TAFA2: variants seen among roughly 807,000 people sequenced by gnomAD.
The protein encoded by TAFA2 is TAFA chemokine like family member 2.
A neutral mutation model predicts 18.8 loss-of-function variants in TAFA2; 7 were observed. The observed-to-expected ratio is 0.37, with a 90% CI of 0.21 to 0.70. The LOEUF is 0.70. TAFA2 is among the 30% of genes least tolerant of loss of function. The pLI, the probability that TAFA2 is intolerant of heterozygous loss-of-function variation, is 0.53. For synonymous variants in TAFA2, 60 were observed against 54.2 expected, an observed-to-expected ratio of 1.11 and a Z score of -0.47; for missense variants, 122 against 158.1, an observed-to-expected ratio of 0.77 and a Z score of 1.23.
chr12:61,933,466 C>T (rs1001052098), intron 1 of TAFA2, among the ~76,000 whole-genome samples: 1 of 152,122 alleles, frequency 6.6e-6, no homozygotes, highest in Non-Finnish European at 1.5e-5. Flanking sequence ...ATTCCCAGCA[C>T]TTTGGGAGGC....
chr12:61,755,950 T>C (rs1565622759), intron 2 of TAFA2, among the ~76,000 whole-genome samples: 2 of 152,140 alleles, frequency 1.3e-5, no homozygotes, highest in Non-Finnish European at 1.5e-5. Flanking sequence ...TAAAAGATTA[T>C]GCTTTCAGTA....
intron 1 of TAFA2, among the ~76,000 whole-genome samples, chr12:62,157,632 C>T (rs981504876): frequency 2.6e-5 from 4 of 152,098 alleles, no homozygotes; most frequent in South Asian, 2.1e-4. Context: ...ACTTGCTGTC[C>T]GCTCCTCAGT....
At chr12:61,810,647 T>C (rs1871827332) in intron 2 of TAFA2, among the ~76,000 whole-genome samples, 2 of 151,164 alleles carry the variant, frequency 1.3e-5, no homozygotes. Flanking sequence ...GCTGCCCAGA[T>C]AGAGACTACA....
At chr12:61,764,952 G>A (rs549759915) in intron 2 of TAFA2, among the ~76,000 whole-genome samples, 1 of 152,188 alleles carries the variant, frequency 6.6e-6, no homozygotes, top group African/African-American at 2.4e-5. Flanking sequence ...GAGAGATCTA[G>A]TTCAAATAGT....
chr12:62,236,004 G>C (rs1368658554), intron 1 of TAFA2, among the ~76,000 whole-genome samples: 1 of 151,492 alleles, frequency 6.6e-6, no homozygotes, highest in Non-Finnish European at 1.5e-5. Flanking sequence ...AAAAACAAAT[G>C]AAGGAAAACC....
chr12:61,896,722 A>G (rs1052391269), intron 1 of TAFA2, among the ~76,000 whole-genome samples: 3 of 152,298 alleles, frequency 2.0e-5, no homozygotes, highest in African/African-American at 7.2e-5. Flanking sequence ...TAAAGGAAAA[A>G]AGAAGAGGGC....
At chr12:61,934,671 G>A (rs566324331) in intron 1 of TAFA2, among the ~76,000 whole-genome samples, 36 of 152,186 alleles carry the variant, frequency 2.4e-4, no homozygotes, top group African/African-American at 8.4e-4. Context: ...TGCTGTCTAT[G>A]ACACTTGAAA....
intron 1 of TAFA2, among the ~76,000 whole-genome samples, chr12:62,146,233 C>G (rs548619660): frequency 1.3e-5 from 2 of 151,922 alleles, no homozygotes; most frequent in Non-Finnish European, 2.9e-5. Flanking sequence ...ATATGCCATA[C>G]CACTGCCCTC....
intron 1 of TAFA2, among the ~76,000 whole-genome samples, chr12:61,915,138 G>C (rs574094550): frequency 2.0e-5 from 3 of 152,268 alleles, no homozygotes; most frequent in South Asian, 2.1e-4. Context: ...TCCAGCCCGG[G>C]CAACAGAGCG....
At chr12:62,151,138 C>T (rs1428572958) in intron 1 of TAFA2, among the ~76,000 whole-genome samples, 1 of 152,242 alleles carries the variant, frequency 6.6e-6, no homozygotes, top group African/African-American at 2.4e-5. Context: ...ATTCACATCA[C>T]CACCATCACC....
At chr12:62,145,719 C>T (rs1004427833) in intron 1 of TAFA2, 2 of 152,316 alleles carry the variant, frequency 1.3e-5, no homozygotes, top group South Asian at 4.1e-4. Context: ...TGCGGATGCC[C>T]AGTCTGGAGA....
intron 1 of TAFA2, among the ~76,000 whole-genome samples, chr12:61,967,103 CCTGA>C (rs1879093692): frequency 6.6e-6 from 1 of 151,772 alleles, no homozygotes; most frequent in African/African-American, 2.4e-5. Context: ...TACAGGGGGT[CCTGA>C]TCTTTGCTTG....
At chr12:61,854,378 G>A (rs1326351512) in intron 2 of TAFA2, among the ~76,000 whole-genome samples, 1 of 152,084 alleles carries the variant, frequency 6.6e-6, no homozygotes, top group Non-Finnish European at 1.5e-5. Flanking sequence ...ACAAGTTTAG[G>A]AGATCAAACA....
rs113711514 is a variant in TAFA2, at chr12:61,743,449, C to T, written c.384+10173G>A. ...CATGCTATATCATCAAATAATTTAA[C>T]GCATATTGCTCCTAGTGCTTTAATT... On this transcript the variant is annotated intron_variant, in intron 4 of 4. Transcript: ENST00000416284. Among the ~76,000 whole-genome samples, 1,406 of 152,140 alleles carry T rather than the reference C, an allele frequency of 9.2e-3. 13 individuals carry two copies. The highest frequency in any genetic ancestry group is 0.012 in the Non-Finnish European group (836 of 67,984).
chr12:61,729,694 T>C lies in TAFA2; in HGVS notation c.385-19277A>G, dbSNP rs146944542. On this transcript the variant is annotated intron_variant, in intron 4 of 4. Coordinates refer to ENST00000416284, the MANE Select transcript of TAFA2 (RefSeq NM_178539.5). ...TCTGGTGTCTCCTAAAGTAGCTTAA[T>C]AATTGACCTTCTGAATTCTTTTTCT... Among the ~76,000 whole-genome samples, 302 of 152,244 alleles carry C rather than the reference T, an allele frequency of 2.0e-3. 3 individuals are homozygous for C. The highest frequency in any genetic ancestry group is 6.6e-3 in the African/African-American group (275 of 41,574).
At chr12:62,065,210 T>C (rs779037092) in intron 1 of TAFA2, among the ~76,000 whole-genome samples, 4 of 152,044 alleles carry the variant, frequency 2.6e-5, no homozygotes, top group Non-Finnish European at 5.9e-5. Flanking sequence ...CAGAAAGTAT[T>C]ACACAACTTA....
Position 62,188,931 on chromosome 12 carries a change from A to T in TAFA2, c.-2+2328T>A, listed in dbSNP as rs182739457. Among the ~76,000 whole-genome samples, 1,299 of 152,294 alleles carry T rather than the reference A, an allele frequency of 8.5e-3. 10 individuals carry two copies. Among genetic ancestry groups the T allele is most frequent in the Admixed American group, 0.014 (213 of 15,296 alleles). Reference sequence around the variant, plus strand: ...GTAATCTATTTTTACATAAATCCATAGGCAACTCAATGAATCTTCATTCTC... The same window carrying T: ...GTAATCTATTTTTACATAAATCCATTGGCAACTCAATGAATCTTCATTCTC... On this transcript the variant is annotated intron_variant, in intron 1 of 4. Coordinates refer to ENST00000416284, the MANE Select transcript of TAFA2 (RefSeq NM_178539.5).
At chr12:61,808,022 G>A (rs1274481649) in intron 2 of TAFA2, among the ~76,000 whole-genome samples, 1 of 151,694 alleles carries the variant, frequency 6.6e-6, no homozygotes, top group South Asian at 2.1e-4. Context: ...GGACTATTGG[G>A]AAGGCAAGAT....
At chr12:62,048,839 G>C (rs1881976930) in intron 1 of TAFA2, among the ~76,000 whole-genome samples, 1 of 152,180 alleles carries the variant, frequency 6.6e-6, no homozygotes. Context: ...ACGACCAGCA[G>C]TGTGTATTTC....
Sources: gnomAD v4.1 joint callset for allele counts (sites outside exome capture counted in the v4.1 genomes callset) on GRCh38, gnomAD v4.1.1 for gene constraint, MANE v1.5 for transcripts, NCBI Gene and HGNC (gene_info 2026-07-23, HGNC 2026-07-21) for gene names.